Variants in KCNIP1 observed in about 807,000 individuals in gnomAD.
The protein encoded by KCNIP1 is potassium voltage-gated channel interacting protein 1.
KCNIP1 carries 18 observed loss-of-function variants against 33.0 expected under a neutral mutation model. The observed-to-expected ratio is 0.55, with a 90% confidence interval of 0.38 to 0.81. KCNIP1 has a LOEUF of 0.81. Among genes scored for constraint, KCNIP1 ranks in the 30% least tolerant of loss-of-function variants. The pLI is 0.00. For missense variants in KCNIP1, 238 were observed against 271.6 expected (o/e 0.88, Z 0.87); for synonymous variants, 93 against 98.3 (o/e 0.95, Z 0.32).
At chr5:170,647,561 G>T (rs1042117727) in intron 1 of KCNIP1, among the ~76,000 whole-genome samples, 1 of 151,156 alleles carries the variant, frequency 6.6e-6, no homozygotes, top group African/African-American at 2.4e-5. Flanking sequence ...TAGAACAACT[G>T]GCCATCCACA....
chr5:170,468,885 T>A (rs920697413), intron 1 of KCNIP1, among the ~76,000 whole-genome samples: 1 of 146,396 alleles, frequency 6.8e-6, no homozygotes, highest in Admixed American at 6.8e-5. Flanking sequence ...TCAAACAAAA[T>A]TTTTTTAATG....
At chr5:170,438,518 C>A (rs1471415173) in intron 1 of KCNIP1, among the ~76,000 whole-genome samples, 1 of 152,144 alleles carries the variant, frequency 6.6e-6, no homozygotes, top group Non-Finnish European at 1.5e-5. Flanking sequence ...CGGACCTGCC[C>A]AGCTTAAAGC....
At chr5:170,603,044 C>G (rs1405712495) in intron 1 of KCNIP1, among the ~76,000 whole-genome samples, 1 of 152,236 alleles carries the variant, frequency 6.6e-6, no homozygotes, top group Non-Finnish European at 1.5e-5. Context: ...GGGCTAGGCC[C>G]CAGCTAAGGC....
intron 1 of KCNIP1, among the ~76,000 whole-genome samples, chr5:170,550,728 A>G (rs1756595843): frequency 6.6e-6 from 1 of 151,188 alleles, no homozygotes; most frequent in Non-Finnish European, 1.5e-5. Flanking sequence ...TGATAATGAC[A>G]GTACTGATGA....
chr5:170,598,670 G>C (rs1159791478), intron 1 of KCNIP1, among the ~76,000 whole-genome samples: 1 of 152,134 alleles, frequency 6.6e-6, no homozygotes, highest in African/African-American at 2.4e-5. Flanking sequence ...CACACAGAGA[G>C]GGGAGGCCTG....
chr5:170,691,223 C>T (rs958806787), intron 1 of KCNIP1, among the ~76,000 whole-genome samples: 1 of 152,176 alleles, frequency 6.6e-6, no homozygotes, highest in African/African-American at 2.4e-5. Flanking sequence ...GCAGCAAACA[C>T]AAAACACTGA....
At chr5:170,418,930 G>A (rs985381911) in intron 1 of KCNIP1, among the ~76,000 whole-genome samples, 2 of 152,176 alleles carry the variant, frequency 1.3e-5, no homozygotes, top group African/African-American at 2.4e-5. Context: ...TTTTCTGGAA[G>A]CTATCATTTT....
intron 1 of KCNIP1, among the ~76,000 whole-genome samples, chr5:170,658,269 C>T (rs1356875861): frequency 1.3e-5 from 2 of 152,158 alleles, no homozygotes; most frequent in African/African-American, 4.8e-5. Flanking sequence ...GTTGAGGGAG[C>T]ACATCTGGTG....
At chr5:170,358,694 G>A (rs1374657998) in intron 1 of KCNIP1, among the ~76,000 whole-genome samples, 5 of 152,314 alleles carry the variant, frequency 3.3e-5, no homozygotes, top group South Asian at 2.1e-4. Context: ...CAGGGCACCC[G>A]CCCCCGCTTA....
chr5:170,702,560 C>T (rs1259854092), intron 1 of KCNIP1, among the ~76,000 whole-genome samples: 1 of 152,166 alleles, frequency 6.6e-6, no homozygotes, highest in Non-Finnish European at 1.5e-5. Context: ...CCCTCCTGCC[C>T]CCTCAGTACC....
chr5:170,726,687 C>T (rs1764016065), intron 5 of KCNIP1, among the ~76,000 whole-genome samples: 1 of 146,950 alleles, frequency 6.8e-6, no homozygotes, highest in Non-Finnish European at 1.5e-5. Context: ...ATCACTTGAG[C>T]TCAGGTGTTC....
chr5:170,531,641 A>G lies in KCNIP1; in HGVS notation c.61+27008A>G, dbSNP rs188582209. On this transcript the variant is annotated intron_variant, in intron 1 of 7. Transcript: ENST00000328939. Reference sequence around the variant, plus strand: ...GCCTGCTCCTAATGAGGACACTTTGATAATTCGCTTTGTTGAAGAAACAGG... The same window carrying G: ...GCCTGCTCCTAATGAGGACACTTTGGTAATTCGCTTTGTTGAAGAAACAGG... Among the ~76,000 whole-genome samples the G allele has an allele frequency of 4.9e-4, 75 of 152,304 alleles. 1 individual carries two copies. The highest frequency in any genetic ancestry group is 1.8e-3 in the African/African-American group (73 of 41,560).
intron 1 of KCNIP1, among the ~76,000 whole-genome samples, chr5:170,713,799 A>G (rs556403535): frequency 6.6e-6 from 1 of 152,234 alleles, no homozygotes; most frequent in South Asian, 2.1e-4. Flanking sequence ...AGGTGGGCAG[A>G]TCACCTGAGG....
At chr5:170,367,013 C>A (rs1011926115) in intron 1 of KCNIP1, among the ~76,000 whole-genome samples, 4 of 152,136 alleles carry the variant, frequency 2.6e-5, no homozygotes, top group Non-Finnish European at 4.4e-5. Flanking sequence ...GCAGGGGCTA[C>A]ATTTTAGTTA....
intron 1 of KCNIP1, among the ~76,000 whole-genome samples, chr5:170,522,455 A>G (rs917790971): frequency 6.6e-6 from 1 of 152,208 alleles, no homozygotes. Context: ...CTTGTTCTGC[A>G]TGGCAGTTGC....
intron 1 of KCNIP1, among the ~76,000 whole-genome samples, chr5:170,568,881 C>T (rs1346468723): frequency 6.6e-6 from 1 of 152,042 alleles, no homozygotes; most frequent in African/African-American, 2.4e-5. Context: ...AATTCTGGTT[C>T]TGGCCCTTTC....
intron 1 of KCNIP1, among the ~76,000 whole-genome samples, chr5:170,458,305 C>A (rs972503723): frequency 6.6e-6 from 1 of 152,166 alleles, no homozygotes; most frequent in African/African-American, 2.4e-5. Context: ...CTCCCCCAGC[C>A]TTGCTAGAGC....
intron 1 of KCNIP1, among the ~76,000 whole-genome samples, chr5:170,582,166 T>G (rs1757818158): frequency 6.6e-6 from 1 of 152,178 alleles, no homozygotes; most frequent in Non-Finnish European, 1.5e-5. Context: ...ATCCAAACTA[T>G]AGCACCCACC....
chr5:170,462,295 A>C (rs1756522790), intron 1 of KCNIP1, among the ~76,000 whole-genome samples: 1 of 151,470 alleles, frequency 6.6e-6, no homozygotes, highest in East Asian at 1.9e-4. Flanking sequence ...ACTACCAAAA[A>C]AAATCATCAA....
Sources: allele counts gnomAD v4.1 joint callset (sites outside exome capture counted in the v4.1 genomes callset), GRCh38; gene constraint gnomAD v4.1.1; transcripts MANE v1.5; gene names NCBI Gene and HGNC (gene_info 2026-07-23, HGNC 2026-07-21).